The following SHANK2 variants were observed in gnomAD, a reference collection of about 807,000 sequenced individuals.
SHANK2 encodes SH3 and multiple ankyrin repeat domains protein 2.
SHANK2 carries 43 observed loss-of-function variants against 133.7 expected under a neutral mutation model. The ratio of observed to expected loss-of-function variants is 0.32; its 90% CI spans 0.25 to 0.41. The LOEUF is 0.41. Ranked by LOEUF, SHANK2 falls within the 10% of genes least tolerant of loss-of-function variation. SHANK2 has a pLI of 1.00. For missense variants in SHANK2, 1,994 were observed against 2,235.8 expected (o/e 0.89, Z 2.18); for synonymous variants, 1,017 against 952.8 (o/e 1.07, Z -1.24).
intron 17 of SHANK2, among the ~76,000 whole-genome samples, chr11:70,606,544 G>GCTTGTATC (rs2060580728): frequency 7.3e-6 from 1 of 136,356 alleles, no homozygotes; most frequent in African/African-American, 2.7e-5. Flanking sequence ...AAAGGCCCTA[G>GCTTGTATC]CTTGTATCCT....
intron 17 of SHANK2, among the ~76,000 whole-genome samples, chr11:70,644,592 G>A (rs782154317): frequency 3.9e-5 from 6 of 152,186 alleles, no homozygotes; most frequent in Non-Finnish European, 8.8e-5. Context: ...GGCAGCTCCC[G>A]CCTGCTGCAA....
intron 17 of SHANK2, among the ~76,000 whole-genome samples, chr11:70,574,600 C>T (rs1360585292): frequency 2.0e-5 from 3 of 152,156 alleles, no homozygotes; most frequent in African/African-American, 7.2e-5. Flanking sequence ...GGTGGCGTGC[C>T]CTGAAGGGTC....
intron 15 of SHANK2, among the ~76,000 whole-genome samples, chr11:70,680,367 T>G (rs998856113): frequency 1.3e-5 from 2 of 152,190 alleles, no homozygotes; most frequent in African/African-American, 4.8e-5. Flanking sequence ...ACTGAGGTGT[T>G]GGAGGGCGGG....
chr11:70,612,477 C>A (rs1262815097), intron 17 of SHANK2, among the ~76,000 whole-genome samples: 1 of 152,228 alleles, frequency 6.6e-6, no homozygotes, highest in Non-Finnish European at 1.5e-5. Flanking sequence ...CATACATATT[C>A]TTGGGGGTGT....
intron 6 of SHANK2, among the ~76,000 whole-genome samples, chr11:71,100,664 C>T (rs1159369213): frequency 6.6e-6 from 1 of 152,066 alleles, no homozygotes; most frequent in South Asian, 2.1e-4. Flanking sequence ...GTCAGGAGAT[C>T]GAGACCATCC....
chr11:70,734,401 C>A (rs932932265), intron 14 of SHANK2, among the ~76,000 whole-genome samples: 1 of 152,166 alleles, frequency 6.6e-6, no homozygotes. Flanking sequence ...CGTGAGGGCG[C>A]CAGTGGGCCG....
At chr11:71,195,560 C>T (rs1054553979) in intron 2 of SHANK2, among the ~76,000 whole-genome samples, 2 of 152,062 alleles carry the variant, frequency 1.3e-5, no homozygotes, top group Non-Finnish European at 2.9e-5. Context: ...CAGTATATTG[C>T]AATTAATAAG....
rs147305649 is a variant in SHANK2 at position 70,486,021 on chromosome 11, G to T, written c.4272C>A (p.Pro1424=). The part of the protein sequence containing the change: ...PLEFANSFDI[P]DDRAASVPAL... Reference sequence around the variant, plus strand: ...CCGGGACAGAAGCTGCCCGGTCATCGGGGATATCAAAACTATTTGCAAATT... The same window carrying T: ...CCGGGACAGAAGCTGCCCGGTCATCTGGGATATCAAAACTATTTGCAAATT... Residue 1424 remains proline, a synonymous_variant, in exon 25 of 26, where the codon CCC becomes CCA. Transcript: ENST00000601538. The surrounding 1 kb of genome is among the most constrained non-coding windows in gnomAD (Gnocchi z 8.0). 6.2e-7 allele frequency: 1 copy of T among 1,614,024 alleles called. No homozygotes were observed. Among genetic ancestry groups the T allele is most frequent in the South Asian group, 1.1e-5 (1 of 91,060 alleles).
At chr11:70,918,875 C>T (rs545165181) in intron 10 of SHANK2, among the ~76,000 whole-genome samples, 3 of 152,078 alleles carry the variant, frequency 2.0e-5, no homozygotes, top group Non-Finnish European at 2.9e-5. Flanking sequence ...TTTTGAAAAA[C>T]GCATACAGGC....
intron 12 of SHANK2, among the ~76,000 whole-genome samples, chr11:70,815,175 A>ACACAC (rs1948363761): frequency 5.0e-5 from 6 of 119,648 alleles, no homozygotes; most frequent in African/African-American, 1.9e-4. Flanking sequence ...TGGGAGAAGA[A>ACACAC]ACACACACAC....
chr11:71,060,503 G>A (rs1490982571), intron 9 of SHANK2, among the ~76,000 whole-genome samples: 2 of 152,242 alleles, frequency 1.3e-5, no homozygotes, highest in Admixed American at 6.5e-5. Context: ...TCTCGTCCCT[G>A]GAACGTGTCC....
At chr11:70,810,139 C>A (rs1200411579) in intron 12 of SHANK2, among the ~76,000 whole-genome samples, 2 of 152,174 alleles carry the variant, frequency 1.3e-5, no homozygotes, top group Non-Finnish European at 2.9e-5. Context: ...GTGGCCTCCT[C>A]TTGTCCAAAG....
intron 12 of SHANK2, among the ~76,000 whole-genome samples, chr11:70,815,078 C>A (rs1194891373): frequency 6.6e-6 from 1 of 152,096 alleles, no homozygotes; most frequent in Non-Finnish European, 1.5e-5. Context: ...CCCCCAGGGG[C>A]GGAGCTGGCT....
chr11:70,590,071 C>T (rs148281454), intron 17 of SHANK2, among the ~76,000 whole-genome samples: 1,563 of 152,258 alleles, frequency 0.01, 27 homozygotes, highest in African/African-American at 0.035. Context: ...AGGAGAACGG[C>T]GTGAACCTGG....
At chr11:70,798,317 T>G in intron 14 of SHANK2, 126 bp downstream of exon 14, 1 of 676,948 alleles carries the variant, frequency 1.5e-6, no homozygotes. Flanking sequence ...ATCTAGAAAG[T>G]CCTGAATTCG....
intron 25 of SHANK2, among the ~76,000 whole-genome samples, chr11:70,480,301 G>A (rs1453348410): frequency 2.0e-5 from 3 of 152,242 alleles, no homozygotes; most frequent in African/African-American, 7.2e-5. Context: ...TCATTCAAAT[G>A]TCATTTCCTT....
At chr11:70,662,112 C>A (rs368075428) in intron 15 of SHANK2, 1 of 396,392 alleles carries the variant, frequency 2.5e-6, no homozygotes, top group East Asian at 5.5e-5. Context: ...CCCGACCACA[C>A]GCATCTTCCA....
chr11:70,539,505 C>A (rs1279865423), intron 17 of SHANK2, among the ~76,000 whole-genome samples: 1 of 146,532 alleles, frequency 6.8e-6, no homozygotes, highest in Admixed American at 7.0e-5. Flanking sequence ...ACGCTCACCA[C>A]GCTCACTCGC....
In SHANK2 at chr11:70,854,126, T is replaced by A. The variant is rs530054319; in HGVS notation, c.1175-33444A>T. Among the ~76,000 whole-genome samples, 4 of 152,324 alleles carry A rather than the reference T, an allele frequency of 2.6e-5. No homozygotes were observed. The South Asian group carries it at 8.3e-4, about 32-fold the overall frequency. ...GGAGTGGGGGAGAAGAAGGTTTGGA[T>A]GATTTTCATATGTACACGCATTTAC... On this transcript the variant is annotated intron_variant, in intron 11 of 25. Coordinates refer to ENST00000601538, the MANE Select transcript of SHANK2 (RefSeq NM_012309.5).
Sources: gnomAD v4.1 joint callset for allele counts (sites outside exome capture counted in the v4.1 genomes callset) on GRCh38, gnomAD v4.1.1 for gene constraint, Gnocchi (gnomAD v3.1) non-coding constraint, MANE v1.5 for transcripts, NCBI Gene and HGNC (gene_info 2026-07-23, HGNC 2026-07-21) for gene names.